The following KCNT2 variants were observed in gnomAD, a reference collection of about 807,000 sequenced individuals.
KCNT2 encodes potassium channel subfamily T member 2.
Under a neutral mutation model 153.8 loss-of-function variants are expected in KCNT2, and 67 were observed. The ratio of observed to expected loss-of-function variants is 0.44; its 90% confidence interval spans 0.36 to 0.53. The LOEUF (loss-of-function observed/expected upper bound fraction) is 0.53. KCNT2 is among the 20% of genes least tolerant of loss of function. The pLI is 0.00. For synonymous variants in KCNT2, 500 were observed against 458.8 expected, an observed-to-expected ratio of 1.09 and a Z score of -1.15; for missense variants, 975 against 1,354.8, an observed-to-expected ratio of 0.72 and a Z score of 4.40.
At chr1:196,485,136 G>C (rs2148713767) in intron 3 of KCNT2, among the ~76,000 whole-genome samples, 1 of 152,064 alleles carries the variant, frequency 6.6e-6, no homozygotes, top group South Asian at 2.1e-4. Context: ...ATGAGATCAG[G>C]TCCTTTTTAG....
chr1:196,443,129 T>C (rs1400650311), intron 8 of KCNT2, among the ~76,000 whole-genome samples: 1 of 151,540 alleles, frequency 6.6e-6, no homozygotes, highest in Non-Finnish European at 1.5e-5. Context: ...CTCCTACGTA[T>C]CTGGATTGCT....
intron 1 of KCNT2, among the ~76,000 whole-genome samples, chr1:196,541,925 C>T (rs758679054): frequency 3.3e-5 from 5 of 151,934 alleles, no homozygotes; most frequent in Admixed American, 6.6e-5. Flanking sequence ...GGTAGTCAAA[C>T]ACTTTAAGAA....
At chr1:196,485,103 A>G (rs1043674004) in intron 3 of KCNT2, among the ~76,000 whole-genome samples, 8 of 152,206 alleles carry the variant, frequency 5.3e-5, no homozygotes, top group Non-Finnish European at 7.4e-5. Flanking sequence ...ACATCATGGA[A>G]TATTATGCAG....
chr1:196,360,368 A>G (rs1667517001), intron 14 of KCNT2, among the ~76,000 whole-genome samples: 1 of 151,972 alleles, frequency 6.6e-6, no homozygotes, highest in Non-Finnish European at 1.5e-5. Context: ...TCCCACGACT[A>G]AAGAAGCAGG....
chr1:196,414,939 T>C (rs977859003), intron 12 of KCNT2, among the ~76,000 whole-genome samples: 3 of 151,956 alleles, frequency 2.0e-5, no homozygotes, highest in African/African-American at 7.2e-5. Flanking sequence ...GACACTGGCT[T>C]GATCATATTA....
At chr1:196,468,608 C>T (rs180949411) in intron 6 of KCNT2, among the ~76,000 whole-genome samples, 64 of 151,926 alleles carry the variant, frequency 4.2e-4, no homozygotes, top group African/African-American at 1.4e-3. Context: ...TGTGGTTAAA[C>T]CACAGATAGA....
intron 22 of KCNT2, among the ~76,000 whole-genome samples, chr1:196,299,311 T>C (rs1348618749): frequency 6.6e-6 from 1 of 151,560 alleles, no homozygotes; most frequent in Non-Finnish European, 1.5e-5. Flanking sequence ...AAAGTATCGC[T>C]GACAAAACTG....
intron 25 of KCNT2, chr1:196,273,364 A>G: frequency 1.4e-6 from 1 of 704,742 alleles, no homozygotes; most frequent in Non-Finnish European, 2.3e-6. Context: ...TTTCATTTTA[A>G]TGTCTGAGTA....
intron 19 of KCNT2, among the ~76,000 whole-genome samples, chr1:196,325,138 T>C (rs1461269236): frequency 5.9e-5 from 9 of 152,014 alleles, no homozygotes; most frequent in Non-Finnish European, 1.3e-4. Context: ...AAGAGACTGA[T>C]TTTTGGTAGG....
chr1:196,400,613 A>G (rs1572318538), intron 12 of KCNT2, among the ~76,000 whole-genome samples: 1 of 151,320 alleles, frequency 6.6e-6, no homozygotes, highest in African/African-American at 2.4e-5. Context: ...ATCATTAAGG[A>G]TAAAAGATAA....
chr1:196,530,892 T>G (rs1029724811), intron 1 of KCNT2, among the ~76,000 whole-genome samples: 8 of 152,112 alleles, frequency 5.3e-5, no homozygotes, highest in Non-Finnish European at 7.4e-5. Flanking sequence ...TAGGCCATAG[T>G]GGGAATCACA....
At chr1:196,560,300 T>C (rs1659211463) in intron 1 of KCNT2, among the ~76,000 whole-genome samples, 1 of 151,910 alleles carries the variant, frequency 6.6e-6, no homozygotes, top group Non-Finnish European at 1.5e-5. Context: ...AATCTTTCAC[T>C]CAAACAATGT....
chr1:196,314,813 C>A (rs1177168705), intron 21 of KCNT2, among the ~76,000 whole-genome samples: 1 of 151,524 alleles, frequency 6.6e-6, no homozygotes, highest in Non-Finnish European at 1.5e-5. Context: ...CCTTCTGCCA[C>A]ATGGAAGTGA....
intron 13 of KCNT2, among the ~76,000 whole-genome samples, chr1:196,377,063 C>G (rs1427262228): frequency 6.6e-6 from 1 of 151,730 alleles, no homozygotes; most frequent in East Asian, 1.9e-4. Flanking sequence ...AAGTGGTGGT[C>G]AGAGAAGGAC....
chr1:196,409,043 T>C (rs529518468), intron 12 of KCNT2, among the ~76,000 whole-genome samples: 56 of 151,324 alleles, frequency 3.7e-4, no homozygotes, highest in African/African-American at 1.1e-3. Flanking sequence ...AGGGTTTTTT[T>C]TTATATGAAG....
chr1:196,596,159 G>T (rs1314301560), intron 1 of KCNT2, among the ~76,000 whole-genome samples: 5 of 149,128 alleles, frequency 3.4e-5, no homozygotes, highest in Non-Finnish European at 5.9e-5. Flanking sequence ...CCATATATTT[G>T]CAATTACAAG....
intron 1 of KCNT2, among the ~76,000 whole-genome samples, chr1:196,560,850 C>G (rs1326421375): frequency 1.3e-5 from 2 of 151,852 alleles, no homozygotes; most frequent in African/African-American, 4.8e-5. Flanking sequence ...AGTCCCGTAC[C>G]TAGTTGGCTT....
intron 1 of KCNT2, among the ~76,000 whole-genome samples, chr1:196,550,574 A>G (rs994149917): frequency 3.9e-5 from 6 of 151,900 alleles, no homozygotes; most frequent in African/African-American, 1.4e-4. Context: ...ACAGGAAACC[A>G]TTTAGGATGT....
intron 8 of KCNT2, among the ~76,000 whole-genome samples, chr1:196,440,931 G>A (rs1180116673): frequency 6.6e-6 from 1 of 151,646 alleles, no homozygotes; most frequent in African/African-American, 2.4e-5. Context: ...TCCTGACAAA[G>A]TACGGTCTAT....
Sources: allele counts gnomAD v4.1 joint callset (sites outside exome capture counted in the v4.1 genomes callset), GRCh38; gene constraint gnomAD v4.1.1; transcripts MANE v1.5; gene names NCBI Gene and HGNC (gene_info 2026-07-23, HGNC 2026-07-21).